Variants in NTMT1 observed in about 807,000 individuals in gnomAD.
NTMT1 encodes N-terminal RCC1 methyltransferase.
NTMT1 carries 8 observed loss-of-function variants against 17.5 expected under a neutral mutation model. The observed-to-expected ratio is 0.46, with a 90% CI of 0.27 to 0.82. The LOEUF (loss-of-function observed/expected upper bound fraction) is 0.82, where lower values mean the gene tolerates loss of function less well. Ranked by LOEUF, NTMT1 falls within the 40% of genes least tolerant of loss-of-function variation. NTMT1 has a pLI of 0.15. For synonymous variants in NTMT1, 128 were observed against 126.8 expected (o/e 1.01, Z -0.06); for missense variants, 221 against 303.5 (o/e 0.73, Z 2.02).
intron 1 of NTMT1, among the ~76,000 whole-genome samples, chr9:129,629,615 C>T (rs572535449): frequency 2.6e-5 from 4 of 152,224 alleles, no homozygotes; most frequent in South Asian, 4.1e-4. Context: ...GCTGGGACAC[C>T]AGTGTGGGAG....
At position 129,635,320 on chromosome 9, in the gene NTMT1, G is replaced by A; in HGVS notation, c.528G>A (p.Leu176=). The stretch of plus-strand genomic sequence containing the variant: ...ACATGGCCCAGGAGGGCGTGATTCT[G>A]GACGACGTGGACAGCAGCGTGTGCC... ...KDNMAQEGVI[L]DDVDSSVCRD... The change falls in exon 4 of 4, where the codon CTG becomes CTA. Residue 176 remains leucine (L), a synonymous_variant. Transcript: ENST00000372483. 1 of 1,613,846 alleles carries A rather than the reference G, an allele frequency of 6.2e-7. No homozygotes were observed. Among genetic ancestry groups the A allele is most frequent in the Non-Finnish European group, 8.5e-7 (1 of 1,180,030 alleles).
At chr9:129,615,563 C>G in intron 1 of NTMT1, 1 of 1,610,074 alleles carries the variant, frequency 6.2e-7, no homozygotes, top group South Asian at 1.1e-5. Context: ...AAGGGCAACG[C>G]TGCCTGCAGG....
At chr9:129,630,085 G>A (rs535482553) in intron 1 of NTMT1, among the ~76,000 whole-genome samples, 2 of 152,316 alleles carry the variant, frequency 1.3e-5, no homozygotes, top group African/African-American at 2.4e-5. Flanking sequence ...GGCGGGGTGG[G>A]CCTACTGCTT....
chr9:129,616,745 T>C (rs1306326836), intron 1 of NTMT1, among the ~76,000 whole-genome samples: 1 of 152,206 alleles, frequency 6.6e-6, no homozygotes, highest in Admixed American at 6.5e-5. Context: ...ATCTGTTATA[T>C]GTATATTTCA....
chr9:129,632,366 C>T (rs1311503276), intron 1 of NTMT1, among the ~76,000 whole-genome samples: 4 of 152,212 alleles, frequency 2.6e-5, no homozygotes, highest in Non-Finnish European at 5.9e-5. Flanking sequence ...GTCTCTTGAG[C>T]TCGGGAGTTG....
At chr9:129,610,104 G>C (rs1300983292) in intron 1 of NTMT1, among the ~76,000 whole-genome samples, 5 of 150,078 alleles carry the variant, frequency 3.3e-5, no homozygotes, top group African/African-American at 9.8e-5. Flanking sequence ...TCCATCTGTG[G>C]TCTGCGGGGA....
intron 1 of NTMT1, chr9:129,628,488 C>A (rs1347343467): frequency 6.6e-6 from 1 of 152,212 alleles, no homozygotes; most frequent in Non-Finnish European, 1.5e-5. Context: ...TCGGTAGCAG[C>A]CTTCAGGCCT....
At position 129,634,061 on chromosome 9, in the gene NTMT1, C is replaced by G. The variant is rs370769035; in HGVS notation, c.170C>G (p.Pro57Arg). 2.5e-6 allele frequency: 4 copies of G among 1,613,382 alleles called. No individual in the cohort carries two copies. The highest frequency in any genetic ancestry group is 3.4e-6 in the Non-Finnish European group (4 of 1,179,684). ...KFLQRFLREG[P>R]NKTGTSCALD... ...TATGCCTCTGCTTTTCAGGAAGGCC[C>G]GAACAAGACAGGAACGTCCTGTGCC... is the stretch of plus-strand genomic sequence containing the variant. The change falls in exon 3 of 4, where the codon CCG becomes CGG. Residue 57 changes from proline (P) to arginine (R), a missense_variant. Transcript: ENST00000372483.
intron 1 of NTMT1, among the ~76,000 whole-genome samples, chr9:129,630,700 C>A (rs922883908): frequency 5.9e-5 from 9 of 152,222 alleles, no homozygotes; most frequent in Admixed American, 1.3e-4. Context: ...GATTTGTCAA[C>A]TTTGGCGACA....
chr9:129,615,515 T>A (rs926811210), intron 1 of NTMT1: 18 of 1,608,756 alleles, frequency 1.1e-5, no homozygotes, highest in Non-Finnish European at 1.4e-5. Context: ...AGCGGAGCGT[T>A]GTGTCCTGCA....
Position 129,612,427 on chromosome 9 carries a change from G to A in NTMT1, c.-55+3249G>A, listed in dbSNP as rs374957154. ...GGGCAGCCTTGCTTCAGGACCGACT[G>A]CAGCACCCGGTTGGGCAGGAGGGAC... On this transcript the variant is annotated intron_variant, in intron 1 of 3. Coordinates refer to the NTMT1 transcript ENST00000372486. The A allele has an allele frequency of 4.2e-5, 68 of 1,612,646 alleles. 1 individual carries two copies. In the African/African-American group the frequency reaches 8.7e-4, roughly 21 times the overall value.
Position 129,614,551 on chromosome 9 carries a change from G to A in NTMT1, c.-55+5373G>A, listed in dbSNP as rs1027781183. On this transcript the variant is annotated intron_variant, in intron 1 of 3. Coordinates refer to the NTMT1 transcript ENST00000372486. The surrounding 1 kb of genome is among the most constrained non-coding windows in gnomAD (Gnocchi z 4.4). ...CAGAAAAAGGTGGAGCTTAGTCAAG[G>A]TTATACCAGAGTAAGAACAGGGACT... Among the ~76,000 whole-genome samples, 4 of 152,306 alleles carry A rather than the reference G, an allele frequency of 2.6e-5. No individual in the cohort carries two copies. The highest frequency in any genetic ancestry group is 1.9e-4 in the East Asian group (1 of 5,194).
intron 1 of NTMT1, among the ~76,000 whole-genome samples, chr9:129,627,878 C>T (rs1830972455): frequency 6.6e-6 from 1 of 152,196 alleles, no homozygotes; most frequent in Non-Finnish European, 1.5e-5. Flanking sequence ...GAGATGACTG[C>T]AAAAGTCTGC....
upstream of NTMT1, among the ~76,000 whole-genome samples, chr9:129,625,433 C>T (rs1303173891): frequency 6.6e-6 from 1 of 152,162 alleles, no homozygotes; most frequent in Non-Finnish European, 1.5e-5. Flanking sequence ...CCGCACAACA[C>T]ACTCGTTTTT....
chr9:129,623,003 T>C (rs1325273980), upstream of NTMT1, among the ~76,000 whole-genome samples: 9 of 148,934 alleles, frequency 6.0e-5, no homozygotes, highest in Non-Finnish European at 1.3e-4. Flanking sequence ...CACTCCAGCC[T>C]GGGCAACAGA....
chr9:129,610,823 G>C (rs769918262), intron 1 of NTMT1, among the ~76,000 whole-genome samples: 2 of 152,192 alleles, frequency 1.3e-5, no homozygotes, highest in Non-Finnish European at 2.9e-5. Context: ...GCCACCTGGA[G>C]GAGGGGCCGT....
chr9:129,628,154 C>T (rs1046650641), intron 1 of NTMT1, among the ~76,000 whole-genome samples: 3 of 152,238 alleles, frequency 2.0e-5, no homozygotes, highest in African/African-American at 7.2e-5. Flanking sequence ...TGCTCTGGAG[C>T]AGAGTGTAGC....
At position 129,635,290 on chromosome 9, in the gene NTMT1, AGAC is replaced by A. The variant is rs1012517296; in HGVS notation, c.499_501del (p.Asp167del). ...GCCCCAACGGCATCATCGTCATCAA[AGAC>A]AACATGGCCCAGGAGGGCGTGATTC... On this transcript the variant is annotated inframe_deletion, in exon 4 of 4. Transcript: ENST00000372483. The A allele has an allele frequency of 6.2e-6, 10 of 1,613,634 alleles. No homozygotes were observed. Among genetic ancestry groups the A allele is most frequent in the Non-Finnish European group, 7.6e-6 (9 of 1,180,036 alleles).
In NTMT1 at chr9:129,620,356, G is replaced by A. The variant is rs1323445265; in HGVS notation, c.-55+11178G>A. 8 of 1,228,866 alleles carry A rather than the reference G, an allele frequency of 6.5e-6. No individual in the cohort carries two copies. In the African/African-American group the frequency reaches 1.3e-4, roughly 19 times the overall value. The allele number at this position is 1,228,866 out of a possible 1,614,324, so 76.1% of individuals were successfully genotyped here. A position where few individuals can be genotyped will look rare whatever the true frequency, so the allele number is the denominator to read the frequency against. ...CGGGCAGGCGCGGCGGGAGGCGTCC[G>A]ACGCCCACCCCGGGCTTGGCGTCCC... On this transcript the variant is annotated intron_variant, in intron 1 of 3. Coordinates refer to the NTMT1 transcript ENST00000372486. The surrounding 1 kb of genome is among the most constrained non-coding windows in gnomAD (Gnocchi z 5.8).
Sources: allele counts gnomAD v4.1 joint callset (sites outside exome capture counted in the v4.1 genomes callset), GRCh38; gene constraint gnomAD v4.1.1; non-coding constraint Gnocchi (gnomAD v3.1); transcripts MANE v1.5; gene names NCBI Gene and HGNC (gene_info 2026-07-23, HGNC 2026-07-21).